Variants in KIAA1549 observed in about 807,000 individuals in gnomAD.
KIAA1549 encodes KIAA1549.
Under a neutral mutation model 156.4 loss-of-function variants are expected in KIAA1549, and 70 were observed. The observed-to-expected ratio is 0.45, with a 90% CI of 0.37 to 0.55. The LOEUF is 0.55. Among genes scored for constraint, KIAA1549 ranks in the 20% least tolerant of loss-of-function variants. The probability of loss-of-function intolerance (pLI) is 0.00; values close to 1 mark genes in which losing one functional copy is unlikely to be tolerated. For missense variants in KIAA1549, 2,428 were observed against 2,540.9 expected (o/e 0.96, Z 0.96); for synonymous variants, 1,103 against 1,066.4 (o/e 1.03, Z -0.67).
At chr7:138,838,349 G>C (rs1170228380) in intron 19 of KIAA1549, among the ~76,000 whole-genome samples, 189 bp from the exon 20 acceptor site, 7 of 152,220 alleles carry the variant, frequency 4.6e-5, no homozygotes, top group Non-Finnish European at 5.9e-5. Context: ...GAACAGAAGG[G>C]AGGGAGGCTG....
Position 138,916,996 on chromosome 7 carries a change from A to G in KIAA1549, c.2630T>C (p.Leu877Pro). The stretch of plus-strand genomic sequence containing the variant: ...TGTGCTCACTTCCGTGGAGGTGTTC[A>G]GTGGCACCTCTGTGGGTGTGAGTGA... ...GPSLTPTEVP[L>P]NTSTEVSTTS... Residue 877 changes from leucine to proline, a missense_variant, in exon 2 of 20, where the codon CTG (leucine) becomes CCG (proline). This residue lies in a region of KIAA1549 where 762 missense variants were observed against 901.6 expected (regional missense o/e 0.85). Coordinates refer to ENST00000422774, the MANE Select transcript of KIAA1549 (RefSeq NM_001164665.2). 1 of 1,600,444 alleles carries G rather than the reference A, an allele frequency of 6.2e-7. No individual in the cohort carries two copies. The highest frequency in any genetic ancestry group is 1.1e-5 in the South Asian group (1 of 87,912).
intron 1 of KIAA1549, among the ~76,000 whole-genome samples, chr7:138,964,939 GC>G (rs1188109905): frequency 6.6e-6 from 1 of 151,876 alleles, no homozygotes; most frequent in African/African-American, 2.4e-5. Flanking sequence ...GATGCTCATA[GC>G]AGTGTTTTTT....
At chr7:138,947,013 A>C (rs1178925061) in intron 1 of KIAA1549, among the ~76,000 whole-genome samples, 2 of 152,126 alleles carry the variant, frequency 1.3e-5, no homozygotes, top group Non-Finnish European at 2.9e-5. Context: ...GGTGCAGAAA[A>C]ACCACAGTAG....
rs751668936 is a variant in KIAA1549 at position 138,844,443 on chromosome 7, T to C, written c.5326A>G (p.Thr1776Ala). 22 of 1,554,742 alleles carry C rather than the reference T, an allele frequency of 1.4e-5. No individual in the cohort carries two copies. Among genetic ancestry groups the C allele is most frequent in the African/African-American group, 9.6e-5 (7 of 72,630 alleles). The change falls in exon 18 of 20, where the codon ACA becomes GCA. Residue 1776 changes from threonine to alanine, a missense_variant. Thr to Ala is a moderately conservative substitution (Grantham distance 58, BLOSUM62 0). Around this residue, in one of 5 missense-constraint regions of KIAA1549, gnomAD observed 363 missense variants for 354.0 expected, o/e 1.03. Coordinates refer to ENST00000422774, the MANE Select transcript of KIAA1549 (RefSeq NM_001164665.2). The stretch of plus-strand genomic sequence containing the variant: ...TGAGGGTCAGGGGGCACCAGCTCTG[T>C]AGACTGCAGCAAACCGGGGCCAAAA... ...PGFGPGLLQS[T>A]ELVPPDPQQP...
intron 17 of KIAA1549, 96 bp from the exon 18 acceptor site, chr7:138,844,570 AT>A (rs1190535473): frequency 4.3e-6 from 5 of 1,153,490 alleles, no homozygotes; most frequent in Non-Finnish European, 5.8e-6. Flanking sequence ...GGTAACACTT[AT>A]TTGTCTACCT....
At chr7:138,961,951 C>G (rs1299884354) in intron 1 of KIAA1549, among the ~76,000 whole-genome samples, 1 of 152,022 alleles carries the variant, frequency 6.6e-6, no homozygotes, top group Non-Finnish European at 1.5e-5. Context: ...ATCCTCCCGC[C>G]CCTTTACCTG....
In KIAA1549 at chr7:138,919,292, G is replaced by T; in HGVS notation, c.334C>A (p.Pro112Thr). The T allele has an allele frequency of 6.2e-7, 1 of 1,614,000 alleles. No homozygotes were observed. The highest frequency in any genetic ancestry group is 8.5e-7 in the Non-Finnish European group (1 of 1,179,898). ...GTATCAAAAGTAGTGGCAGACGGCG[G>T]GGCTGTGACATGGAGAGGACTGCTG... ...QHSSPLHVTAPPSATTFDTAF... is the reference protein window; with the variant it reads ...QHSSPLHVTATPSATTFDTAF... The change falls in exon 2 of 20, where the codon CCG becomes ACG. Residue 112 changes from proline (P) to threonine (T), a missense_variant. Around this residue, in one of 5 missense-constraint regions of KIAA1549, gnomAD observed 893 missense variants for 847.9 expected, o/e 1.05. Transcript: ENST00000422774.
Position 138,916,769 on chromosome 7 carries a change from CG to C in KIAA1549, c.2856del (p.Asp953MetfsTer4), listed in dbSNP as rs1563075844. ...KPPYVCDITVPDAYLITTVLA... is the reference protein window; with the variant it reads ...KPPYVCDITVXDAYLITTVLA... Reference sequence around the variant, plus strand: ...TTACCAGTTGTGATCAGATAGGCATCGGGGACTGTGATATCACAAACATATG... The same window carrying C: ...TTACCAGTTGTGATCAGATAGGCATCGGGACTGTGATATCACAAACATATG... On this transcript the variant is annotated frameshift_variant, in exon 2 of 20. Transcript: ENST00000422774. LOFTEE classifies it high-confidence loss of function. The C allele has an allele frequency of 6.2e-7, 1 of 1,613,918 alleles. No homozygotes were observed. Among genetic ancestry groups the C allele is most frequent in the South Asian group, 1.1e-5 (1 of 91,054 alleles).
intron 1 of KIAA1549, among the ~76,000 whole-genome samples, chr7:138,976,233 C>T (rs895822920): frequency 1.3e-5 from 2 of 152,124 alleles, no homozygotes; most frequent in South Asian, 2.1e-4. Flanking sequence ...CCTGCCACCA[C>T]ACCCGGCTAA....
At position 138,912,514 on chromosome 7, in the gene KIAA1549, AC is replaced by A. The variant is rs1338491406; in HGVS notation, c.2879-55del. 3 of 1,425,010 alleles carry A rather than the reference AC, an allele frequency of 2.1e-6. No homozygotes were observed. In the African/African-American group the frequency reaches 4.2e-5, roughly 20 times the overall value. 88.3% of individuals were successfully genotyped at this position (1,425,010 alleles called of 1,614,324 possible). On this transcript the variant is annotated intron_variant, in intron 2 of 19. Transcript: ENST00000422774. ...CTTTTCATGTCATTATGAATAACAA[AC>A]ACACCAGACTTCTGGACCCCAGCAC... is the stretch of plus-strand genomic sequence containing the variant.
At chr7:138,862,043 TA>T (rs1400124325) in intron 15 of KIAA1549, among the ~76,000 whole-genome samples, 1 of 152,082 alleles carries the variant, frequency 6.6e-6, no homozygotes, top group Non-Finnish European at 1.5e-5. Flanking sequence ...TGAAAGCCCC[TA>T]AACAGCCAAA....
chr7:138,907,797 C>T (rs1812049202), intron 5 of KIAA1549, among the ~76,000 whole-genome samples: 1 of 152,134 alleles, frequency 6.6e-6, no homozygotes, highest in East Asian at 1.9e-4. Flanking sequence ...GGGTCTGGGC[C>T]CTAACCAAGA....
intron 1 of KIAA1549, among the ~76,000 whole-genome samples, chr7:138,930,820 C>T (rs1240765200): frequency 6.6e-6 from 1 of 152,210 alleles, no homozygotes; most frequent in Non-Finnish European, 1.5e-5. Flanking sequence ...TAATTTCCTT[C>T]AAGAACTTTT....
intron 1 of KIAA1549, among the ~76,000 whole-genome samples, chr7:138,970,711 AG>A (rs1196749494): frequency 6.6e-6 from 1 of 152,200 alleles, no homozygotes; most frequent in Non-Finnish European, 1.5e-5. Context: ...TGGAGCAGCA[AG>A]GACCTGGCAA....
intron 10 of KIAA1549, among the ~76,000 whole-genome samples, chr7:138,884,034 C>A (rs578168635): frequency 6.6e-6 from 1 of 152,180 alleles, no homozygotes; most frequent in African/African-American, 2.4e-5. Context: ...CCCCACCCCC[C>A]AACCTTCAGG....
In KIAA1549 at chr7:138,918,988, T is replaced by C. The variant is rs756531799; in HGVS notation, c.638A>G (p.Gln213Arg). 4 of 1,614,046 alleles carry C rather than the reference T, an allele frequency of 2.5e-6. No individual in the cohort carries two copies. The East Asian group carries it at 6.7e-5, about 27-fold the overall frequency. ...LQDEEVTSGW[Q>R]NTTRQPAAYA... ...TGCCGCTGGTTGTCGCGTTGTGTTC[T>C]GCCAGCCCGATGTCACTTCTTCATC... The change falls in exon 2 of 20, where the codon CAG (glutamine) becomes CGG (arginine). Residue 213 changes from glutamine (Q) to arginine (R), a missense_variant. Physicochemically the swap from Gln to Arg is conservative, Grantham distance 43. Transcript: ENST00000422774. This position sits in a 1 kb window ranked among gnomAD's most constrained non-coding sequence, Gnocchi z 4.2.
chr7:138,867,740 G>A (rs1391161570), intron 15 of KIAA1549, among the ~76,000 whole-genome samples: 2 of 152,204 alleles, frequency 1.3e-5, no homozygotes, highest in Admixed American at 6.5e-5. Flanking sequence ...TGTGTTTCCA[G>A]AGGTGGCACT....
intron 1 of KIAA1549, among the ~76,000 whole-genome samples, chr7:138,947,198 C>T (rs892641559): frequency 5.3e-5 from 8 of 152,094 alleles, no homozygotes; most frequent in African/African-American, 1.4e-4. Flanking sequence ...CAAGATGAAA[C>T]GTTAATAAAA....
intron 12 of KIAA1549, among the ~76,000 whole-genome samples, chr7:138,875,080 T>C (rs10954635): frequency 0.27 from 41,106 of 152,100 alleles, 6,128 homozygotes; most frequent in Middle Eastern, 0.47. Context: ...TAATAATTTA[T>C]TGCATATTTT....
Sources: gnomAD v4.1 joint callset for allele counts (sites outside exome capture counted in the v4.1 genomes callset) on GRCh38, gnomAD v4.1.1 for gene constraint, gnomAD v4.1.1 regional missense constraint, Gnocchi (gnomAD v3.1) non-coding constraint, MANE v1.5 for transcripts, NCBI Gene and HGNC (gene_info 2026-07-23, HGNC 2026-07-21) for gene names.